LINGO2: variants seen among roughly 807,000 people sequenced by gnomAD.
LINGO2 encodes leucine-rich repeat and immunoglobulin-like domain-containing nogo receptor-interacting protein 2.
A neutral mutation model predicts 30.6 loss-of-function variants in LINGO2; 14 were observed. The observed-to-expected ratio is 0.46, with a 90% confidence interval of 0.30 to 0.72. The LOEUF is 0.72. Ranked by LOEUF, LINGO2 falls within the 30% of genes least tolerant of loss-of-function variation. The probability of loss-of-function intolerance (pLI) is 0.07; values close to 1 mark genes in which losing one functional copy is unlikely to be tolerated. For missense variants in LINGO2, 729 were observed against 751.7 expected, an observed-to-expected ratio of 0.97 and a Z score of 0.35; for synonymous variants, 317 against 288.5, an observed-to-expected ratio of 1.10 and a Z score of -1.00.
At chr9:28,381,102 T>G (rs183595738) in intron 2 of LINGO2, among the ~76,000 whole-genome samples, 1 of 152,178 alleles carries the variant, frequency 6.6e-6, no homozygotes, top group Admixed American at 6.6e-5. Flanking sequence ...AAAAGGATCC[T>G]TGACAATGAC....
At chr9:28,706,914 G>A in the LINGO2 span, among the ~76,000 whole-genome samples, 13 of 151,552 alleles carry the variant, frequency 8.6e-5, no homozygotes, top group Admixed American at 2.6e-4. Context: ...ACACTTTCTC[G>A]ACACCCCAAC....
intron 2 of LINGO2, among the ~76,000 whole-genome samples, chr9:28,375,277 G>C (rs1821084661): frequency 6.6e-6 from 1 of 152,098 alleles, no homozygotes; most frequent in South Asian, 2.1e-4. Flanking sequence ...GTAGATGCTG[G>C]GTCTCAATTC....
the LINGO2 span, among the ~76,000 whole-genome samples, chr9:29,160,063 T>A: frequency 6.6e-6 from 1 of 152,218 alleles, no homozygotes; most frequent in Non-Finnish European, 1.5e-5. Context: ...TAGTTTTCAA[T>A]CTTTATAGTA....
intron 4 of LINGO2, among the ~76,000 whole-genome samples, chr9:28,261,701 G>A (rs1198028850): frequency 6.6e-6 from 1 of 151,786 alleles, no homozygotes; most frequent in Non-Finnish European, 1.5e-5. Context: ...AATTTAAGAT[G>A]ACAACATATT....
At chr9:28,422,112 TG>T (rs2134884591) in intron 2 of LINGO2, among the ~76,000 whole-genome samples, 1 of 152,166 alleles carries the variant, frequency 6.6e-6, no homozygotes, top group African/African-American at 2.4e-5. Context: ...AATGATTTCT[TG>T]GTTGTGACAC....
chr9:28,243,644 A>C (rs573590190), intron 4 of LINGO2, among the ~76,000 whole-genome samples: 9 of 152,044 alleles, frequency 5.9e-5, no homozygotes, highest in Non-Finnish European at 8.8e-5. Context: ...AACAAACAAA[A>C]AAACAAAAAA....
intron 5 of LINGO2, among the ~76,000 whole-genome samples, chr9:28,001,361 T>C (rs1023624973): frequency 2.0e-4 from 30 of 152,146 alleles, no homozygotes; most frequent in African/African-American, 7.2e-4. Context: ...CATCGACTTG[T>C]AGAATTTCTA....
At chr9:28,985,749 T>C in the LINGO2 span, among the ~76,000 whole-genome samples, 4 of 152,110 alleles carry the variant, frequency 2.6e-5, no homozygotes, top group Admixed American at 6.6e-5. Context: ...AAGTTCTTTA[T>C]ATATTTTGAA....
At chr9:28,703,698 C>T in the LINGO2 span, among the ~76,000 whole-genome samples, 3 of 151,960 alleles carry the variant, frequency 2.0e-5, no homozygotes, top group Non-Finnish European at 2.9e-5. Context: ...AGGCATTGAA[C>T]ATTTTATATG....
chr9:28,630,310 G>A (rs981004663), intron 1 of LINGO2, among the ~76,000 whole-genome samples: 8 of 151,798 alleles, frequency 5.3e-5, no homozygotes, highest in Non-Finnish European at 1.2e-4. Context: ...TATAGCATAC[G>A]TTGTATGTTG....
At chr9:28,410,731 T>C (rs1383431507) in intron 2 of LINGO2, among the ~76,000 whole-genome samples, 1 of 152,162 alleles carries the variant, frequency 6.6e-6, no homozygotes, top group Non-Finnish European at 1.5e-5. Flanking sequence ...AAGTGCACTG[T>C]GTATGTTTTA....
the LINGO2 span, among the ~76,000 whole-genome samples, chr9:28,814,785 CCT>C: frequency 1.3e-5 from 2 of 149,924 alleles, no homozygotes; most frequent in African/African-American, 2.4e-5. Flanking sequence ...CTACTCTCTC[CCT>C]CTCTCTCTCA....
the LINGO2 span, among the ~76,000 whole-genome samples, chr9:29,186,021 C>CTTTTT: frequency 1.3e-5 from 2 of 151,310 alleles, no homozygotes; most frequent in African/African-American, 4.9e-5. Context: ...AGGTCAATCA[C>CTTTTT]TTTTTTTTTC....
intron 1 of LINGO2, among the ~76,000 whole-genome samples, chr9:28,596,871 G>A (rs1825208475): frequency 6.6e-6 from 1 of 152,122 alleles, no homozygotes; most frequent in African/African-American, 2.4e-5. Context: ...AAAGGGGACT[G>A]AGCATGCCTG....
the LINGO2 span, chr9:27,940,202 T>C: frequency 6.6e-6 from 1 of 152,196 alleles, no homozygotes; most frequent in Admixed American, 6.5e-5. Context: ...ATACGTGTCA[T>C]TCTGCCATTA....
intron 1 of LINGO2, among the ~76,000 whole-genome samples, chr9:28,538,357 T>A (rs183414550): frequency 6.6e-6 from 1 of 152,114 alleles, no homozygotes; most frequent in Non-Finnish European, 1.5e-5. Context: ...AGACTGGTGA[T>A]TGAATTTAAA....
At chr9:28,655,961 A>G (rs1016150407) in intron 1 of LINGO2, among the ~76,000 whole-genome samples, 9 of 152,142 alleles carry the variant, frequency 5.9e-5, no homozygotes, top group Admixed American at 3.9e-4. Flanking sequence ...GGGGCTGTAC[A>G]TCACAGGTTT....
the LINGO2 span, among the ~76,000 whole-genome samples, chr9:28,727,389 C>G: frequency 1.3e-5 from 2 of 152,124 alleles, no homozygotes; most frequent in East Asian, 1.9e-4. Flanking sequence ...AGGTTCAAGC[C>G]ATTCTCCTGC....
At chr9:29,021,681 A>AAAGGAAGGAAGGAAGGAAGG in the LINGO2 span, among the ~76,000 whole-genome samples, 98 of 93,670 alleles carry the variant, frequency 1.0e-3, 1 homozygote, top group African/African-American at 2.5e-3. Context: ...GAAAGAAAAG[A>AAAGGAAGGAAGGAAGGAAGG]AAGGAAGGAA....
Sources: allele counts gnomAD v4.1 joint callset (sites outside exome capture counted in the v4.1 genomes callset), GRCh38; gene constraint gnomAD v4.1.1; transcripts MANE v1.5; gene names NCBI Gene and HGNC (gene_info 2026-07-23, HGNC 2026-07-21).